Variants in LAMA2 observed in about 807,000 individuals in gnomAD.
LAMA2 encodes laminin subunit alpha 2.
A neutral mutation model predicts 364.8 loss-of-function variants in LAMA2; 269 were observed. That is an observed-to-expected ratio of 0.74 (90% confidence interval 0.67 to 0.82). The LOEUF is 0.82. Among genes scored for constraint, LAMA2 ranks in the 40% least tolerant of loss-of-function variants. The pLI is 0.00. For synonymous variants in LAMA2, 1,379 were observed against 1,370.6 expected (o/e 1.01, Z -0.14); for missense variants, 3,807 against 3,873.2 (o/e 0.98, Z 0.45).
chr6:129,165,758 C>T, intron 9 of LAMA2, 83 bp downstream of exon 9: 1 of 855,284 alleles, frequency 1.2e-6, no homozygotes, highest in Non-Finnish European at 2.0e-6. Context: ...GAATATTTTG[C>T]AGTAAATGTT....
intron 1 of LAMA2, among the ~76,000 whole-genome samples, chr6:129,009,763 A>G (rs1410838386): frequency 2.0e-5 from 3 of 152,186 alleles, no homozygotes; most frequent in Non-Finnish European, 4.4e-5. Context: ...CTTACCGCCT[A>G]CCAGCTGTCT....
chr6:129,507,758 C>A, intron 62 of LAMA2, 116 bp downstream of exon 62: 1 of 1,049,704 alleles, frequency 9.5e-7, no homozygotes, highest in Non-Finnish European at 1.5e-6. Context: ...TTTATTTAAG[C>A]CAAAAAGAAA....
chr6:129,010,873 T>G (rs963977986), intron 1 of LAMA2, among the ~76,000 whole-genome samples: 1 of 152,224 alleles, frequency 6.6e-6, no homozygotes, highest in Admixed American at 6.5e-5. Context: ...TTTAATATGT[T>G]TACTTCCTAT....
chr6:128,995,045 G>C (rs930841785), intron 1 of LAMA2, among the ~76,000 whole-genome samples: 1 of 151,998 alleles, frequency 6.6e-6, no homozygotes, highest in Non-Finnish European at 1.5e-5. Flanking sequence ...TTTTGTCATA[G>C]TAACAACAAT....
intron 29 of LAMA2, among the ~76,000 whole-genome samples, chr6:129,328,685 CT>C (rs1289041016): frequency 6.6e-6 from 1 of 151,966 alleles, no homozygotes; most frequent in Non-Finnish European, 1.5e-5. Flanking sequence ...TTATGTGTGC[CT>C]TTTTTTCTGA....
At chr6:128,905,801 C>T (rs949970068) in intron 1 of LAMA2, among the ~76,000 whole-genome samples, 5 of 150,808 alleles carry the variant, frequency 3.3e-5, no homozygotes, top group Non-Finnish European at 7.4e-5. Flanking sequence ...CACCCCACAA[C>T]AGTCCCCAGA....
chr6:129,357,881 C>T (rs1383542072), intron 32 of LAMA2, among the ~76,000 whole-genome samples: 1 of 151,952 alleles, frequency 6.6e-6, no homozygotes, highest in Non-Finnish European at 1.5e-5. Flanking sequence ...ATGTGGTTAT[C>T]ACTGTAATGA....
At position 129,379,962 on chromosome 6, in the gene LAMA2, C is replaced by T. The variant is rs541770675; in HGVS notation, c.4960-3160C>T. ...CCAATCACCCAACATCTATGACCCACGACAATTTGCCAGACACTATGCTTG... is the reference window on the plus strand; with the variant it reads ...CCAATCACCCAACATCTATGACCCATGACAATTTGCCAGACACTATGCTTG... On this transcript the variant is annotated intron_variant, in intron 34 of 64. Coordinates refer to ENST00000421865, the MANE Select transcript of LAMA2 (RefSeq NM_000426.4). Among the ~76,000 whole-genome samples the T allele has an allele frequency of 2.9e-4, 44 of 152,010 alleles. No individual in the cohort carries two copies. The East Asian group carries it at 3.7e-3, about 13-fold the overall frequency.
At chr6:129,214,539 C>G (rs1223903155) in intron 12 of LAMA2, among the ~76,000 whole-genome samples, 1 of 152,168 alleles carries the variant, frequency 6.6e-6, no homozygotes, top group African/African-American at 2.4e-5. Context: ...AAAACACTTT[C>G]CTTTCTTCAT....
At chr6:129,126,647 A>G (rs983202178) in intron 4 of LAMA2, among the ~76,000 whole-genome samples, 1 of 152,240 alleles carries the variant, frequency 6.6e-6, no homozygotes, top group Admixed American at 6.5e-5. Flanking sequence ...TTGAATATCA[A>G]GTGTTAAATA....
intron 9 of LAMA2, among the ~76,000 whole-genome samples, chr6:129,177,477 T>C (rs766354731): frequency 9.2e-5 from 14 of 152,216 alleles, no homozygotes; most frequent in Admixed American, 2.0e-4. Context: ...CTTTCTTGTT[T>C]ACATTTTTAA....
chr6:129,031,210 T>C (rs1020153315), intron 1 of LAMA2, among the ~76,000 whole-genome samples: 8 of 152,200 alleles, frequency 5.3e-5, no homozygotes, highest in Middle Eastern at 3.2e-3. Context: ...ATAAAACAAG[T>C]ATTTTCATAG....
At chr6:128,937,096 C>G (rs538937564) in intron 1 of LAMA2, among the ~76,000 whole-genome samples, 20 of 152,078 alleles carry the variant, frequency 1.3e-4, no homozygotes, top group Non-Finnish European at 2.5e-4. Flanking sequence ...ATTTTCAGAC[C>G]ATGATTGAGT....
At chr6:129,221,157 C>CA (rs1562346510) in intron 12 of LAMA2, among the ~76,000 whole-genome samples, 3 of 92,346 alleles carry the variant, frequency 3.2e-5, no homozygotes, top group African/African-American at 8.2e-5. Flanking sequence ...AGCAAGACTC[C>CA]ATCTCAAAAA....
At chr6:129,205,368 G>C (rs1421407233) in intron 12 of LAMA2, among the ~76,000 whole-genome samples, 1 of 150,748 alleles carries the variant, frequency 6.6e-6, no homozygotes, top group East Asian at 1.9e-4. Flanking sequence ...CTCCAGCCTG[G>C]GTGACAGAGC....
intron 43 of LAMA2, among the ~76,000 whole-genome samples, chr6:129,441,884 G>A (rs924038626): frequency 1.3e-5 from 2 of 152,080 alleles, no homozygotes; most frequent in African/African-American, 2.4e-5. Context: ...TTGGGAGTCT[G>A]AGGCTGGAGG....
intron 1 of LAMA2, among the ~76,000 whole-genome samples, chr6:128,930,491 G>C (rs1176546853): frequency 6.6e-6 from 1 of 152,164 alleles, no homozygotes; most frequent in African/African-American, 2.4e-5. Context: ...CCATGCTATA[G>C]AGACAGATGA....
chr6:129,514,490 C>A lies in LAMA2; in HGVS notation c.9106C>A (p.Arg3036Ser), dbSNP rs770673446. 6 of 1,613,922 alleles carry A rather than the reference C, an allele frequency of 3.7e-6. No individual in the cohort carries two copies. Among genetic ancestry groups the A allele is most frequent in the African/African-American group, 1.3e-5 (1 of 74,906 alleles). ...AGTCACTGCCAACAAGATCAAACAC[C>A]GCATTGAGCTCACAGTCGATGGGAA... ...HKVTANKIKH[R>S]IELTVDGNQV... The change falls in exon 64 of 65, where the codon CGC (arginine) becomes AGC (serine). Residue 3036 changes from arginine to serine, a missense_variant. Physicochemically the swap from Arg to Ser is moderately radical, Grantham distance 110. Coordinates refer to ENST00000421865, the MANE Select transcript of LAMA2 (RefSeq NM_000426.4).
intron 1 of LAMA2, among the ~76,000 whole-genome samples, chr6:128,887,417 T>C (rs556325045): frequency 6.6e-6 from 1 of 152,242 alleles, no homozygotes; most frequent in Non-Finnish European, 1.5e-5. Context: ...TATGAACATA[T>C]TCAACACTGA....
Sources: gnomAD v4.1 joint callset for allele counts (sites outside exome capture counted in the v4.1 genomes callset) on GRCh38, gnomAD v4.1.1 for gene constraint, MANE v1.5 for transcripts, NCBI Gene and HGNC (gene_info 2026-07-23, HGNC 2026-07-21) for gene names.